The following GRAMD1B variants were observed in gnomAD, a reference collection of about 807,000 sequenced individuals.
GRAMD1B encodes GRAM domain containing 1B, also known as protein Aster-B.
In GRAMD1B, 37 loss-of-function variants were observed where a neutral mutation model predicts 99.7. That is an observed-to-expected ratio of 0.37 (90% confidence interval 0.29 to 0.49). GRAMD1B has a LOEUF of 0.49. GRAMD1B is among the 20% of genes least tolerant of loss of function. The pLI is 0.98. For synonymous variants in GRAMD1B, 427 were observed against 387.6 expected (o/e 1.10, Z -1.19); for missense variants, 888 against 1,009.2 (o/e 0.88, Z 1.63).
At chr11:123,479,946 G>A (rs773847011) in intron 1 of GRAMD1B, among the ~76,000 whole-genome samples, 26 of 151,976 alleles carry the variant, frequency 1.7e-4, no homozygotes, top group Non-Finnish European at 3.5e-4. Flanking sequence ...GCAAAAACAC[G>A]TGGCTCTAGA....
chr11:123,448,426 G>A (rs760829443), intron 1 of GRAMD1B, among the ~76,000 whole-genome samples: 5 of 151,716 alleles, frequency 3.3e-5, no homozygotes, highest in Non-Finnish European at 7.4e-5. Flanking sequence ...CGCCATATTG[G>A]CCGGGCTGGT....
chr11:123,507,452 T>A (rs138992543), intron 2 of GRAMD1B, among the ~76,000 whole-genome samples: 1 of 152,342 alleles, frequency 6.6e-6, no homozygotes, highest in Non-Finnish European at 1.5e-5. Context: ...CAACCTTTTT[T>A]ATTAGTGTGG....
intron 1 of GRAMD1B, among the ~76,000 whole-genome samples, chr11:123,441,038 C>T (rs376324670): frequency 2.6e-5 from 4 of 152,174 alleles, no homozygotes; most frequent in African/African-American, 7.2e-5. Flanking sequence ...GATCGTGAGG[C>T]CTCCCCAGCC....
chr11:123,546,624 G>C (rs564481146), intron 2 of GRAMD1B, among the ~76,000 whole-genome samples: 3 of 152,284 alleles, frequency 2.0e-5, no homozygotes, highest in African/African-American at 7.2e-5. Context: ...GCTGGAAAAG[G>C]GCCATTGGTC....
intron 1 of GRAMD1B, among the ~76,000 whole-genome samples, chr11:123,393,313 A>G (rs912045175): frequency 1.3e-5 from 2 of 152,204 alleles, no homozygotes; most frequent in African/African-American, 4.8e-5. Flanking sequence ...TCTAATGTCT[A>G]TTATATGTTT....
chr11:123,518,549 A>G (rs1470452133), intron 2 of GRAMD1B, among the ~76,000 whole-genome samples: 2 of 152,114 alleles, frequency 1.3e-5, no homozygotes, highest in African/African-American at 4.8e-5. Flanking sequence ...TGATTCTCAG[A>G]TACGGTGTTT....
intron 7 of GRAMD1B, 47 bp downstream of exon 7, chr11:123,596,084 C>G: frequency 2.0e-6 from 2 of 999,082 alleles, no homozygotes. Context: ...CTTACTCCTC[C>G]TACTCTTGTA....
chr11:123,470,623 C>T (rs1334964338), intron 1 of GRAMD1B, among the ~76,000 whole-genome samples: 1 of 151,144 alleles, frequency 6.6e-6, no homozygotes, highest in Non-Finnish European at 1.5e-5. Context: ...AAGCAATTCT[C>T]CTGCCTCAGC....
At chr11:123,619,539 A>C in intron 19 of GRAMD1B, 1 of 1,194,182 alleles carries the variant, frequency 8.4e-7, no homozygotes, top group Non-Finnish European at 1.1e-6. Flanking sequence ...CAGGCATTTA[A>C]ACAGAGAACC....
intron 1 of GRAMD1B, among the ~76,000 whole-genome samples, chr11:123,449,646 C>CAAGGATTG (rs1262710497): frequency 6.6e-5 from 10 of 150,636 alleles, no homozygotes; most frequent in Non-Finnish European, 1.5e-4. Context: ...GAGATATTGA[C>CAAGGATTG]TCACTGCAGC....
rs200424957 is a variant in GRAMD1B at position 123,466,435 on chromosome 11, G to GAAGA, written c.375-14368_375-14365dup. Among the ~76,000 whole-genome samples the GAAGA allele has an allele frequency of 6.4e-5, 9 of 141,104 alleles. No individual in the cohort carries two copies. The East Asian group carries it at 9.9e-4, about 15-fold the overall frequency. 92.6% of individuals were successfully genotyped at this position (141,104 alleles called of 152,430 possible). On this transcript the variant is annotated intron_variant, in intron 1 of 19. Transcript: ENST00000635736. ...GAAAGAAAGAGAAAAAGAAAGAAAGGAAGAAAGAAAGAAAGAGAAAGAAAG... is the reference window on the plus strand; with the variant it reads ...GAAAGAAAGAGAAAAAGAAAGAAAGGAAGAAAGAAAGAAAGAAAGAGAAAGAAAG...
chr11:123,597,900 G>A (rs1389081888), intron 7 of GRAMD1B: 5 of 891,354 alleles, frequency 5.6e-6, no homozygotes. Flanking sequence ...CAGATCTCAG[G>A]GAAGCCTGGG....
At chr11:123,411,093 C>T (rs1948033029) in intron 1 of GRAMD1B, among the ~76,000 whole-genome samples, 1 of 151,928 alleles carries the variant, frequency 6.6e-6, no homozygotes, top group South Asian at 2.1e-4. Flanking sequence ...CAAGCTCCAC[C>T]TCCCGGGTTC....
chr11:123,443,122 G>A (rs774018557), intron 1 of GRAMD1B, among the ~76,000 whole-genome samples: 21 of 152,088 alleles, frequency 1.4e-4, no homozygotes, highest in Non-Finnish European at 2.2e-4. Flanking sequence ...GTAGTCCAGC[G>A]GGTCTTAGCC....
chr11:123,431,289 T>C lies in GRAMD1B; in HGVS notation c.374+123T>C. 5.1e-6 allele frequency: 3 copies of C among 593,418 alleles called. No individual in the cohort carries two copies. The South Asian group carries it at 6.1e-5, about 12-fold the overall frequency. The allele number at this position is 593,418 out of a possible 1,614,324, so 36.8% of individuals were successfully genotyped here. ...AACAGGAGCCCGTCACCAGAGGCGCTTCTGGAGGGCGCTGCGCCTGGTCCC... is the reference window on the plus strand; with the variant it reads ...AACAGGAGCCCGTCACCAGAGGCGCCTCTGGAGGGCGCTGCGCCTGGTCCC... On this transcript the variant is annotated intron_variant, in intron 1 of 19. Transcript: ENST00000635736.
At chr11:123,602,377 AT>A (rs1442879014) in intron 8 of GRAMD1B, among the ~76,000 whole-genome samples, 1 of 151,604 alleles carries the variant, frequency 6.6e-6, no homozygotes, top group Non-Finnish European at 1.5e-5. Context: ...ATATTTTTAA[AT>A]TTTTTTATTA....
rs578071770 is a variant in GRAMD1B at position 123,591,185 on chromosome 11, T to G, written c.685-2897T>G. 15 of 372,886 alleles carry G rather than the reference T, an allele frequency of 4.0e-5. No individual in the cohort carries two copies. The Admixed American group carries it at 4.6e-4, about 11-fold the overall frequency. 23.1% of individuals were successfully genotyped at this position (372,886 alleles called of 1,614,324 possible). A position where few individuals can be genotyped will look rare whatever the true frequency, so the allele number is the denominator to read the frequency against. On this transcript the variant is annotated intron_variant, in intron 4 of 19. Transcript: ENST00000635736. The surrounding 1 kb of genome is among the most constrained non-coding windows in gnomAD (Gnocchi z 4.7). ...TGTCCTGAGAACCACGCTGACCACCTCGGCTCACTTGTGAAGCTTCATGCT... is the reference window on the plus strand; with the variant it reads ...TGTCCTGAGAACCACGCTGACCACCGCGGCTCACTTGTGAAGCTTCATGCT...
chr11:123,434,131 G>A (rs910386988), intron 1 of GRAMD1B, among the ~76,000 whole-genome samples: 1 of 150,234 alleles, frequency 6.7e-6, no homozygotes, highest in Non-Finnish European at 1.5e-5. Flanking sequence ...TCGGGAGGCT[G>A]AGGCAGGAGA....
chr11:123,605,228 A>C, intron 9 of GRAMD1B, 94 bp from the exon 10 acceptor site: 2 of 812,610 alleles, frequency 2.5e-6, no homozygotes, highest in Non-Finnish European at 3.6e-6. Context: ...GAAATCTCAT[A>C]GATATGGATG....
Sources: allele counts gnomAD v4.1 joint callset (sites outside exome capture counted in the v4.1 genomes callset), GRCh38; gene constraint gnomAD v4.1.1; non-coding constraint Gnocchi (gnomAD v3.1); transcripts MANE v1.5; gene names NCBI Gene and HGNC (gene_info 2026-07-23, HGNC 2026-07-21).